PRDM16: variants seen among roughly 807,000 people sequenced by gnomAD.
PRDM16 encodes PR/SET domain 16, also known as histone-lysine N-methyltransferase PRDM16.
A neutral mutation model predicts 110.6 loss-of-function variants in PRDM16; 23 were observed. That is an observed-to-expected ratio of 0.21 (90% confidence interval 0.15 to 0.29). The LOEUF is 0.29. PRDM16 is among the 10% of genes least tolerant of loss of function. PRDM16 has a pLI of 1.00. For synonymous variants in PRDM16, 799 were observed against 781.8 expected (o/e 1.02, Z -0.37); for missense variants, 1,615 against 1,794.3 (o/e 0.90, Z 1.81).
chr1:3,437,408 GC>G lies in PRDM16; in HGVS notation c.*3602del. ...TCAAAGCACTGGATTGTGGTCCCCT[GC>G]CCCCTCTGTCCCGTCCCCCTGCCCA... On this transcript the variant is annotated 3_prime_UTR_variant, in exon 17 of 17. Transcript: ENST00000270722. 4.3e-6 allele frequency: 1 copy of G among 231,788 alleles called. No individual in the cohort carries two copies. Among genetic ancestry groups the G allele is most frequent in the African/African-American group, 2.2e-5 (1 of 45,298 alleles). The allele number at this position is 231,788 out of a possible 1,614,324, so 14.4% of individuals were successfully genotyped here. A position where few individuals can be genotyped will look rare whatever the true frequency, so the allele number is the denominator to read the frequency against.
rs1257092190 is a variant in PRDM16, at chr1:3,194,496, G to A, written c.387+8022G>A. Among the ~76,000 whole-genome samples, 3 of 152,076 alleles carry A rather than the reference G, an allele frequency of 2.0e-5. No homozygotes were observed. The East Asian group carries it at 5.8e-4, about 29-fold the overall frequency. On this transcript the variant is annotated intron_variant, in intron 2 of 16. Transcript: ENST00000270722. The stretch of plus-strand genomic sequence containing the variant: ...GGCAGGTGCTGGGGACCTCGGCTCA[G>A]GCTGGAGTCTCAGGGAGGGAGGCTG...
At position 3,175,515 on chromosome 1, in the gene PRDM16, G is replaced by C. The variant is rs1644074669; in HGVS notation, c.38-10610G>C. On this transcript the variant is annotated intron_variant, in intron 1 of 16. Transcript: ENST00000270722. The surrounding 1 kb of genome is among the most constrained non-coding windows in gnomAD (Gnocchi z 4.8). ...GCTCATGGGGACTCATAGGCACCCA[G>C]TTGGGGGAACATTCTCCAGGTCTCT... is the stretch of plus-strand genomic sequence containing the variant. Among the ~76,000 whole-genome samples, 1 of 152,152 alleles carries C rather than the reference G, an allele frequency of 6.6e-6. No individual in the cohort carries two copies. Among genetic ancestry groups the C allele is most frequent in the Non-Finnish European group, 1.5e-5 (1 of 68,022 alleles).
intron 3 of PRDM16, among the ~76,000 whole-genome samples, chr1:3,273,610 G>A (rs34402612): frequency 0.017 from 2,636 of 152,122 alleles, 35 homozygotes; most frequent in Middle Eastern, 0.054. Context: ...GTGTATGTAC[G>A]GGCACGTAAG....
At chr1:3,188,682 G>A (rs185567683) in intron 2 of PRDM16, among the ~76,000 whole-genome samples, 9 of 152,288 alleles carry the variant, frequency 5.9e-5, no homozygotes, top group East Asian at 5.8e-4. Context: ...TTGCGAGTTC[G>A]GGCACCGACT....
chr1:3,094,722 C>G (rs2981874), intron 1 of PRDM16, among the ~76,000 whole-genome samples: 64,087 of 152,170 alleles, frequency 0.42, 15,646 homozygotes, highest in African/African-American at 0.68. Context: ...GCCCAGCAAG[C>G]AGTGTCAGTG....
chr1:3,193,029 C>T (rs1044303842), intron 2 of PRDM16, among the ~76,000 whole-genome samples: 7 of 151,760 alleles, frequency 4.6e-5, no homozygotes, highest in African/African-American at 7.3e-5. Flanking sequence ...GCAGTCACAG[C>T]GGCCAGACGG....
chr1:3,192,718 G>T (rs116822633), intron 2 of PRDM16, among the ~76,000 whole-genome samples: 2,528 of 152,232 alleles, frequency 0.017, 75 homozygotes, highest in African/African-American at 0.058. Flanking sequence ...AGGAGGGATT[G>T]TCGAGGCTCC....
In PRDM16 at chr1:3,320,067, C is replaced by G. The variant is rs1641704804; in HGVS notation, c.439-65085C>G. ...TGGCCACACCTACCAGGTGTGGCCT[C>G]TTGAAGAGACTTACTTCCTTGTTCC... On this transcript the variant is annotated intron_variant, in intron 3 of 16. Coordinates refer to ENST00000270722, the MANE Select transcript of PRDM16 (RefSeq NM_022114.4). Among the ~76,000 whole-genome samples, 3 of 152,192 alleles carry G rather than the reference C, an allele frequency of 2.0e-5. No homozygotes were observed. The South Asian group carries it at 6.2e-4, about 32-fold the overall frequency.
intron 5 of PRDM16, among the ~76,000 whole-genome samples, chr1:3,402,291 C>T (rs1643485541): frequency 6.6e-6 from 1 of 152,266 alleles, no homozygotes; most frequent in African/African-American, 2.4e-5. Flanking sequence ...ATGACAGCTC[C>T]AGGCTGATTG....
At chr1:3,406,450 G>A (rs556187143) in intron 8 of PRDM16, among the ~76,000 whole-genome samples, 122 of 152,224 alleles carry the variant, frequency 8.0e-4, no homozygotes, top group African/African-American at 2.9e-3. Context: ...GAGAAGAAAG[G>A]GCCAGGTGGT....
At chr1:3,368,683 C>T (rs1050287409) in intron 3 of PRDM16, among the ~76,000 whole-genome samples, 2 of 152,216 alleles carry the variant, frequency 1.3e-5, no homozygotes, top group Admixed American at 6.5e-5. Flanking sequence ...GCTTTAAATT[C>T]AGCAGGATTT....
chr1:3,303,437 T>C (rs909817093), intron 3 of PRDM16, among the ~76,000 whole-genome samples: 3 of 152,192 alleles, frequency 2.0e-5, no homozygotes, highest in African/African-American at 7.2e-5. Flanking sequence ...TTCCATTGCA[T>C]GAAACCCACA....
chr1:3,091,710 C>T (rs1291123246), intron 1 of PRDM16, among the ~76,000 whole-genome samples: 1 of 152,162 alleles, frequency 6.6e-6, no homozygotes, highest in African/African-American at 2.4e-5. Flanking sequence ...CACCCCACAG[C>T]CCTGCGGGGA....
intron 3 of PRDM16, among the ~76,000 whole-genome samples, chr1:3,332,894 A>G (rs1266867122): frequency 6.6e-6 from 1 of 152,104 alleles, no homozygotes; most frequent in South Asian, 2.1e-4. Context: ...GGCTTCTCTC[A>G]CTACGCATCT....
chr1:3,214,154 T>G (rs1042128553), intron 2 of PRDM16, among the ~76,000 whole-genome samples: 4 of 152,182 alleles, frequency 2.6e-5, no homozygotes, highest in African/African-American at 9.7e-5. Flanking sequence ...GAGAAAGTAG[T>G]TAATGGAGAA....
chr1:3,074,731 G>A (rs1166231945), intron 1 of PRDM16, among the ~76,000 whole-genome samples: 3 of 152,210 alleles, frequency 2.0e-5, no homozygotes, highest in African/African-American at 7.2e-5. Context: ...GGCTCAGGTT[G>A]GCCCGGGAGG....
chr1:3,075,907 C>T (rs2993485), intron 1 of PRDM16, among the ~76,000 whole-genome samples: 5,456 of 152,278 alleles, frequency 0.036, 291 homozygotes, highest in African/African-American at 0.12. Flanking sequence ...GAGGCCAGGG[C>T]GGCAGAACCT....
chr1:3,418,522 A>C, intron 11 of PRDM16, 145 bp from the exon 12 acceptor site: 1 of 667,154 alleles, frequency 1.5e-6, no homozygotes, highest in Non-Finnish European at 2.8e-6. Context: ...AGGGCCGTGG[A>C]AGGGACTGAA....
chr1:3,431,235 C>T, intron 15 of PRDM16, 127 bp downstream of exon 15: 2 of 1,415,494 alleles, frequency 1.4e-6, no homozygotes, highest in South Asian at 1.4e-5. Flanking sequence ...GCACAGCCAC[C>T]TCAGGGCCTC....
Sources: allele counts gnomAD v4.1 joint callset (sites outside exome capture counted in the v4.1 genomes callset), GRCh38; gene constraint gnomAD v4.1.1; non-coding constraint Gnocchi (gnomAD v3.1); transcripts MANE v1.5; gene names NCBI Gene and HGNC (gene_info 2026-07-23, HGNC 2026-07-21).